Variants in TENM2 observed in about 807,000 individuals in gnomAD.
TENM2 encodes teneurin transmembrane protein 2.
In TENM2, 52 loss-of-function variants were observed where a neutral mutation model predicts 245.2. The ratio of observed to expected loss-of-function variants is 0.21; its 90% confidence interval spans 0.17 to 0.27. TENM2 has a LOEUF of 0.27. TENM2 is among the 10% of genes least tolerant of loss of function. The pLI, the probability that TENM2 is intolerant of heterozygous loss-of-function variation, is 1.00. For synonymous variants in TENM2, 1,363 were observed against 1,438.9 expected (o/e 0.95, Z 1.19); for missense variants, 3,046 against 3,666.8 (o/e 0.83, Z 4.37).
chr5:167,828,048 A>G (rs1005627227), intron 2 of TENM2, among the ~76,000 whole-genome samples: 1 of 152,302 alleles, frequency 6.6e-6, no homozygotes, highest in South Asian at 2.1e-4. Flanking sequence ...CATGACATTT[A>G]TTTTGCAACC....
At chr5:167,749,229 A>G (rs957458406) in intron 2 of TENM2, among the ~76,000 whole-genome samples, 4 of 152,220 alleles carry the variant, frequency 2.6e-5, no homozygotes, top group East Asian at 1.9e-4. Context: ...AAGAACGGAT[A>G]TGAACAGAGA....
the TENM2 span, among the ~76,000 whole-genome samples, chr5:167,151,456 C>T: frequency 1.6e-4 from 24 of 152,178 alleles, no homozygotes; most frequent in African/African-American, 5.5e-4. Flanking sequence ...TACGTTACAA[C>T]TACGTGTGAG....
Position 167,325,449 on chromosome 5 carries a change from C to T in TENM2, c.226+40386C>T, listed in dbSNP as rs74619859. On this transcript the variant is annotated intron_variant, in intron 1 of 28. Coordinates refer to ENST00000518659, the Ensembl canonical transcript of TENM2. ...ATTGTAGTTGCTTTGTTCCCAGGAA[C>T]AGGGAAGTATGCTAGTTCCTGCAGA... Among the ~76,000 whole-genome samples the T allele has an allele frequency of 1.7e-3, 261 of 152,268 alleles. 5 individuals carry two copies. In the East Asian group the frequency reaches 0.044, roughly 25 times the overall value.
At chr5:167,658,815 A>G (rs778834593) in intron 2 of TENM2, among the ~76,000 whole-genome samples, 1 of 152,202 alleles carries the variant, frequency 6.6e-6, no homozygotes, top group Non-Finnish European at 1.5e-5. Context: ...AGGAGACTGT[A>G]AGAAAGATCA....
chr5:167,201,330 G>A, the TENM2 span, among the ~76,000 whole-genome samples: 1 of 152,170 alleles, frequency 6.6e-6, no homozygotes, highest in African/African-American at 2.4e-5. Context: ...TTTTAAAGAA[G>A]TAATGCTAGG....
At chr5:168,046,819 C>T (rs1788648788) in intron 5 of TENM2, among the ~76,000 whole-genome samples, 1 of 152,160 alleles carries the variant, frequency 6.6e-6, no homozygotes, top group East Asian at 1.9e-4. Flanking sequence ...AAGGTATCCA[C>T]TCATCATGAA....
intron 7 of TENM2, among the ~76,000 whole-genome samples, chr5:168,073,850 G>T (rs1040158926): frequency 2.0e-5 from 3 of 152,198 alleles, no homozygotes; most frequent in Non-Finnish European, 4.4e-5. Context: ...CATTCTGCCA[G>T]AGGCAGGCCA....
intron 2 of TENM2, among the ~76,000 whole-genome samples, chr5:167,847,309 C>G (rs999182227): frequency 6.6e-6 from 1 of 152,240 alleles, no homozygotes; most frequent in African/African-American, 2.4e-5. Context: ...TAAGGGCCAT[C>G]TAACATCTGC....
intron 20 of TENM2, among the ~76,000 whole-genome samples, chr5:168,212,957 C>G (rs1446101170): frequency 6.6e-6 from 1 of 152,222 alleles, no homozygotes; most frequent in African/African-American, 2.4e-5. Flanking sequence ...TTTGAAAAGC[C>G]TCCTCAAATC....
Position 167,374,238 on chromosome 5 carries a change from C to T in TENM2, c.227-960C>T, listed in dbSNP as rs564403541. On this transcript the variant is annotated intron_variant, in intron 1 of 28. Coordinates refer to ENST00000518659, the Ensembl canonical transcript of TENM2. ...TTTTCTATGTTTAAATACAAAGATA[C>T]TTGCCACTATGTTACTTTGCCTACA... Among the ~76,000 whole-genome samples the T allele has an allele frequency of 2.0e-5, 3 of 152,268 alleles. No individual in the cohort carries two copies. The East Asian group carries it at 5.8e-4, about 29-fold the overall frequency.
intron 27 of TENM2, among the ~76,000 whole-genome samples, chr5:168,257,893 C>T (rs1047751421): frequency 1.7e-4 from 26 of 152,108 alleles, no homozygotes; most frequent in Non-Finnish European, 2.4e-4. Flanking sequence ...GAATTACAGG[C>T]GTGAGCCACC....
At chr5:168,219,824 CAAA>C (rs70976468) in intron 23 of TENM2, among the ~76,000 whole-genome samples, 3 of 49,820 alleles carry the variant, frequency 6.0e-5, no homozygotes, top group African/African-American at 1.8e-4. Context: ...GTTGGCACAG[CAAA>C]AAAAAAAAAA....
At chr5:168,233,280 C>T (rs1423542231) in intron 25 of TENM2, among the ~76,000 whole-genome samples, 2 of 152,038 alleles carry the variant, frequency 1.3e-5, no homozygotes, top group African/African-American at 2.4e-5. Flanking sequence ...GAGCCAAGAT[C>T]GTGCCACTGC....
intron 2 of TENM2, among the ~76,000 whole-genome samples, chr5:167,587,675 A>G (rs1749049290): frequency 6.6e-6 from 1 of 152,176 alleles, no homozygotes; most frequent in Non-Finnish European, 1.5e-5. Context: ...CAACATGCTC[A>G]GTAGATGTTC....
At chr5:167,271,383 T>C in the TENM2 span, among the ~76,000 whole-genome samples, 2 of 152,076 alleles carry the variant, frequency 1.3e-5, no homozygotes, top group Non-Finnish European at 2.9e-5. Context: ...CCACATTTCG[T>C]ATTGAAATTT....
the TENM2 span, among the ~76,000 whole-genome samples, chr5:167,136,456 G>A: frequency 2.0e-5 from 3 of 152,076 alleles, no homozygotes; most frequent in East Asian, 3.9e-4. Context: ...AAATAACAGG[G>A]GAACACAATA....
rs185541886 is a variant in TENM2, at chr5:167,978,562, C to T, written c.948-14382C>T. Reference sequence around the variant, plus strand: ...TATGAGTCCATTTATCTGACATATCCAGAATAGGCAAATTCATAGAGACAG... The same window carrying T: ...TATGAGTCCATTTATCTGACATATCTAGAATAGGCAAATTCATAGAGACAG... On this transcript the variant is annotated intron_variant, in intron 4 of 28. Coordinates refer to ENST00000518659, the Ensembl canonical transcript of TENM2. Among the ~76,000 whole-genome samples the T allele has an allele frequency of 2.0e-5, 3 of 152,174 alleles. No individual in the cohort carries two copies. In the East Asian group the frequency reaches 5.8e-4, roughly 29 times the overall value.
intron 2 of TENM2, among the ~76,000 whole-genome samples, chr5:167,430,703 AG>A (rs1489724796): frequency 6.6e-6 from 1 of 152,186 alleles, no homozygotes; most frequent in Admixed American, 6.5e-5. Flanking sequence ...TTTGGGCTTT[AG>A]GGGTTTTGAA....
At chr5:167,848,408 G>GA (rs1328582994) in intron 2 of TENM2, among the ~76,000 whole-genome samples, 1 of 151,682 alleles carries the variant, frequency 6.6e-6, no homozygotes, top group African/African-American at 2.4e-5. Flanking sequence ...TCAATTAAAA[G>GA]AAAAAAACAC....
Sources: gnomAD v4.1 joint callset for allele counts (sites outside exome capture counted in the v4.1 genomes callset) on GRCh38, gnomAD v4.1.1 for gene constraint, MANE v1.5 for transcripts, NCBI Gene and HGNC (gene_info 2026-07-23, HGNC 2026-07-21) for gene names.